IKZF1: variants seen among roughly 807,000 people sequenced by gnomAD.
The protein encoded by IKZF1 is DNA-binding protein Ikaros.
IKZF1 carries 10 observed loss-of-function variants against 51.7 expected under a neutral mutation model. The observed-to-expected ratio is 0.19, with a 90% CI of 0.12 to 0.33. The LOEUF (loss-of-function observed/expected upper bound fraction) is 0.33. IKZF1 is among the 10% of genes least tolerant of loss of function. IKZF1 has a pLI of 1.00. For synonymous variants in IKZF1, 280 were observed against 282.3 expected, an observed-to-expected ratio of 0.99 and a Z score of 0.08; for missense variants, 484 against 707.5, an observed-to-expected ratio of 0.68 and a Z score of 3.58.
chr7:50,327,512 A>C (rs1795334008), intron 2 of IKZF1, 126 bp from the exon 3 acceptor site: 1 of 1,128,514 alleles, frequency 8.9e-7, no homozygotes, highest in South Asian at 1.7e-5. Flanking sequence ...TATGCATCCC[A>C]GCAGAGAAGC....
At chr7:50,359,666 G>A (rs1005101149) in intron 3 of IKZF1, among the ~76,000 whole-genome samples, 39 of 152,248 alleles carry the variant, frequency 2.6e-4, no homozygotes, top group African/African-American at 7.7e-4. Flanking sequence ...ACGTGCACAC[G>A]TGGTCACTCA....
intron 7 of IKZF1, among the ~76,000 whole-genome samples, chr7:50,392,514 G>T (rs1453718650): frequency 1.3e-5 from 2 of 152,172 alleles, no homozygotes; most frequent in African/African-American, 4.8e-5. Flanking sequence ...GGGTCCGAGT[G>T]GAAAGGCGCT....
intron 3 of IKZF1, among the ~76,000 whole-genome samples, chr7:50,344,376 A>G (rs974823374): frequency 6.6e-6 from 1 of 152,060 alleles, no homozygotes; most frequent in Non-Finnish European, 1.5e-5. Flanking sequence ...GTCCCTTCCA[A>G]TGACTCCTTT....
chr7:50,402,731 T>C lies in IKZF1; in HGVS notation c.*2104T>C, dbSNP rs751062168. On this transcript the variant is annotated 3_prime_UTR_variant, in exon 8 of 8. Coordinates refer to ENST00000331340, the MANE Select transcript of IKZF1 (RefSeq NM_006060.6). ...TGAGTTTTGTTGAAAAGATGGAGTT[T>C]ACAAAGATACCATTCTTGAGTCATG... The C allele has an allele frequency of 4.6e-4, 105 of 230,106 alleles. No homozygotes were observed. The highest frequency in any genetic ancestry group is 9.6e-4 in the Admixed American group (17 of 17,684). The allele number at this position is 230,106 out of a possible 1,614,324, so 14.3% of individuals were successfully genotyped here.
chr7:50,314,963 G>A (rs534324106), intron 1 of IKZF1, among the ~76,000 whole-genome samples: 99 of 152,366 alleles, frequency 6.5e-4, no homozygotes, highest in African/African-American at 2.4e-3. Context: ...GCTGTTTCAG[G>A]ACAGGCCCAA....
intron 3 of IKZF1, among the ~76,000 whole-genome samples, chr7:50,355,405 C>T (rs1207924291): frequency 6.6e-6 from 1 of 152,134 alleles, no homozygotes; most frequent in Non-Finnish European, 1.5e-5. Flanking sequence ...GGGTACCGGC[C>T]AACGCCCGCC....
At chr7:50,372,140 G>A (rs1201279954) in intron 3 of IKZF1, among the ~76,000 whole-genome samples, 2 of 152,216 alleles carry the variant, frequency 1.3e-5, no homozygotes, top group African/African-American at 4.8e-5. Context: ...CAAGTTGCTT[G>A]TATTCTCCTC....
intron 2 of IKZF1, among the ~76,000 whole-genome samples, chr7:50,323,372 C>T (rs945159943): frequency 2.6e-5 from 4 of 152,170 alleles, no homozygotes; most frequent in South Asian, 4.1e-4. Flanking sequence ...CTTGTATTTA[C>T]CCAGAGAATT....
chr7:50,393,221 G>A (rs1179961516), intron 7 of IKZF1, among the ~76,000 whole-genome samples: 2 of 152,168 alleles, frequency 1.3e-5, no homozygotes, highest in African/African-American at 2.4e-5. Context: ...GAAACCATGA[G>A]TCACACTGAT....
intron 7 of IKZF1, among the ~76,000 whole-genome samples, chr7:50,397,533 C>G (rs1817029787): frequency 6.6e-6 from 1 of 152,170 alleles, no homozygotes; most frequent in Non-Finnish European, 1.5e-5. Flanking sequence ...TGGGAAAGCA[C>G]CCTTTTGGTG....
intron 3 of IKZF1, among the ~76,000 whole-genome samples, chr7:50,365,238 T>G (rs1156877712): frequency 1.3e-5 from 2 of 152,252 alleles, no homozygotes; most frequent in African/African-American, 4.8e-5. Context: ...CCAGCTAGAA[T>G]AGTACACACT....
intron 2 of IKZF1, among the ~76,000 whole-genome samples, chr7:50,322,286 A>G: frequency 6.6e-6 from 1 of 152,226 alleles, no homozygotes; most frequent in Non-Finnish European, 1.5e-5. Flanking sequence ...TAACAAGAAT[A>G]TGTTCCTAAA....
Position 50,402,401 on chromosome 7 carries a change from CTGG to C in IKZF1, c.*1778_*1780del. 1 of 230,748 alleles carries C rather than the reference CTGG, an allele frequency of 4.3e-6. No homozygotes were observed. 14.3% of individuals were successfully genotyped at this position (230,748 alleles called of 1,614,324 possible). On this transcript the variant is annotated 3_prime_UTR_variant, in exon 8 of 8. Coordinates refer to ENST00000331340, the MANE Select transcript of IKZF1 (RefSeq NM_006060.6). Reference sequence around the variant, plus strand: ...CATTGTAGGATAATTAGCAGTATCCCTGGTGGCTACCCAATAGACGCCAGTAGC... The same window carrying C: ...CATTGTAGGATAATTAGCAGTATCCCTGGCTACCCAATAGACGCCAGTAGC...
intron 3 of IKZF1, among the ~76,000 whole-genome samples, chr7:50,329,566 ATAG>A (rs1795960661): frequency 6.6e-6 from 1 of 152,242 alleles, no homozygotes; most frequent in South Asian, 2.1e-4. Context: ...CATCAAGTCA[ATAG>A]TAGTACATAG....
chr7:50,387,779 T>G (rs920219797), intron 6 of IKZF1, among the ~76,000 whole-genome samples: 1 of 152,196 alleles, frequency 6.6e-6, no homozygotes, highest in Non-Finnish European at 1.5e-5. Context: ...GTTGGTGATT[T>G]TAAAACAACA....
chr7:50,387,637 C>T lies in IKZF1; in HGVS notation c.715+167C>T, dbSNP rs549144523. On this transcript the variant is annotated intron_variant, in intron 6 of 7. Coordinates refer to ENST00000331340, the MANE Select transcript of IKZF1 (RefSeq NM_006060.6). ...AATAGCATCAGTTTCACCAGAAGCA[C>T]GTTGTGCTTCCCAGCTTTCTAGGTC... 5.3e-5 allele frequency among the ~76,000 whole-genome samples: 8 copies of T among 152,286 alleles called. No homozygotes were observed. Among genetic ancestry groups the T allele is most frequent in the South Asian group, 2.1e-4 (1 of 4,830 alleles).
rs1456353838 is a variant in IKZF1, at chr7:50,402,661, AATT to A, written c.*2038_*2040del. The A allele has an allele frequency of 1.3e-5, 3 of 227,228 alleles. No individual in the cohort carries two copies. Among genetic ancestry groups the A allele is most frequent in the Non-Finnish European group, 1.7e-5 (2 of 115,044 alleles). The allele number at this position is 227,228 out of a possible 1,614,324, so 14.1% of individuals were successfully genotyped here. The stretch of plus-strand genomic sequence containing the variant: ...GGAGTCATTATAAATTCTATAAATC[AATT>A]ATTCCCCTTCGGTCTTAAAAATATA... On this transcript the variant is annotated 3_prime_UTR_variant, in exon 8 of 8. Transcript: ENST00000331340.
chr7:50,313,970 C>T (rs1790831162), intron 1 of IKZF1, among the ~76,000 whole-genome samples: 1 of 152,164 alleles, frequency 6.6e-6, no homozygotes, highest in East Asian at 1.9e-4. Flanking sequence ...TTTCCTGGCA[C>T]ACTAAAAATA....
At chr7:50,348,111 T>G (rs916870426) in intron 3 of IKZF1, among the ~76,000 whole-genome samples, 2 of 152,268 alleles carry the variant, frequency 1.3e-5, no homozygotes, top group African/African-American at 4.8e-5. Context: ...GTTTTCCCGC[T>G]GATATGCCAG....
Sources: gnomAD v4.1 joint callset for allele counts (sites outside exome capture counted in the v4.1 genomes callset) on GRCh38, gnomAD v4.1.1 for gene constraint, MANE v1.5 for transcripts, NCBI Gene and HGNC (gene_info 2026-07-23, HGNC 2026-07-21) for gene names.